The following CSMD1 variants were observed in gnomAD, a reference collection of about 807,000 sequenced individuals.
The protein encoded by CSMD1 is CUB and Sushi multiple domains 1.
A neutral mutation model predicts 417.5 loss-of-function variants in CSMD1; 213 were observed. That is an observed-to-expected ratio of 0.51 (90% confidence interval 0.46 to 0.57). The LOEUF (loss-of-function observed/expected upper bound fraction) is 0.57. CSMD1 is among the 20% of genes least tolerant of loss of function. The probability of loss-of-function intolerance (pLI) is 0.00; values close to 1 mark genes in which losing one functional copy is unlikely to be tolerated. For missense variants in CSMD1, 6,923 were observed against 4,529.7 expected, an observed-to-expected ratio of 1.53 and a Z score of -15.17; for synonymous variants, 2,862 against 1,736.8, an observed-to-expected ratio of 1.65 and a Z score of -16.11.
intron 3 of CSMD1, among the ~76,000 whole-genome samples, chr8:4,166,625 G>A (rs1240366327): frequency 3.9e-5 from 6 of 152,146 alleles, no homozygotes; most frequent in African/African-American, 1.2e-4. Context: ...GATGGGAGCA[G>A]GGGACAGAAG....
rs1211273712 is a variant in CSMD1, at chr8:3,343,387, C to G, written c.3538G>C (p.Gly1180Arg). The G allele has an allele frequency of 6.2e-7, 1 of 1,613,690 alleles. No individual in the cohort carries two copies. Residue 1180 changes from glycine (G) to arginine (R), a missense_variant, in exon 23 of 70, where the codon GGG becomes CGG. Physicochemically the swap from Gly to Arg is moderately radical, Grantham distance 125. Coordinates refer to ENST00000635120, the MANE Select transcript of CSMD1 (RefSeq NM_033225.6). ...LGTFTKNELL[G>R]LILNSTSNHL... ...TTGGATGTGCTGTTTAGGATCAGCC[C>G]CAGAAGTTCATTTTTAGTGAACGTG... is the stretch of plus-strand genomic sequence containing the variant.
chr8:3,952,647 G>A (rs1196719170), intron 5 of CSMD1, among the ~76,000 whole-genome samples: 2 of 152,040 alleles, frequency 1.3e-5, no homozygotes, highest in African/African-American at 2.4e-5. Context: ...GTTTTCCTGG[G>A]GTGATTACAG....
At chr8:3,156,886 G>T (rs1051692944) in intron 39 of CSMD1, among the ~76,000 whole-genome samples, 1 of 150,884 alleles carries the variant, frequency 6.6e-6, no homozygotes, top group South Asian at 2.1e-4. Flanking sequence ...AATCACAGGG[G>T]AGGATACGCT....
At chr8:4,549,024 G>C (rs533656177) in intron 2 of CSMD1, among the ~76,000 whole-genome samples, 1 of 152,122 alleles carries the variant, frequency 6.6e-6, no homozygotes, top group South Asian at 2.1e-4. Flanking sequence ...GAGTAATTAA[G>C]TATATTTTGT....
At chr8:3,791,911 T>C (rs773849096) in intron 5 of CSMD1, among the ~76,000 whole-genome samples, 2 of 152,148 alleles carry the variant, frequency 1.3e-5, no homozygotes, top group Non-Finnish European at 2.9e-5. Flanking sequence ...TTGAAAGTAA[T>C]GGCAAAAACC....
At chr8:4,907,485 T>C (rs1033854908) in intron 1 of CSMD1, among the ~76,000 whole-genome samples, 1 of 152,080 alleles carries the variant, frequency 6.6e-6, no homozygotes, top group Admixed American at 6.5e-5. Flanking sequence ...ATAAAAATCC[T>C]AAACTCATAA....
chr8:3,354,888 T>TCTATATCTATATATCTATCTATA (rs1491403926), intron 21 of CSMD1, among the ~76,000 whole-genome samples: 1 of 146,742 alleles, frequency 6.8e-6, no homozygotes. Context: ...TCTATAGATA[T>TCTATATCTATATATCTATCTATA]GTCTATCTAT....
At chr8:4,816,420 G>A (rs1201121472) in intron 1 of CSMD1, among the ~76,000 whole-genome samples, 3 of 151,964 alleles carry the variant, frequency 2.0e-5, no homozygotes, top group East Asian at 1.9e-4. Flanking sequence ...GAGTGAGGGC[G>A]GTTCACCATG....
chr8:4,757,254 T>C (rs1006920989), intron 1 of CSMD1, among the ~76,000 whole-genome samples: 6 of 152,216 alleles, frequency 3.9e-5, no homozygotes, highest in African/African-American at 1.4e-4. Context: ...ATTGACTACA[T>C]TTTAAAAGTT....
intron 7 of CSMD1, among the ~76,000 whole-genome samples, chr8:3,689,981 T>A (rs915262785): frequency 6.6e-6 from 1 of 152,250 alleles, no homozygotes; most frequent in African/African-American, 2.4e-5. Flanking sequence ...TACTGACATA[T>A]GCCTAATATT....
intron 8 of CSMD1, among the ~76,000 whole-genome samples, chr8:3,615,727 C>G (rs1299837246): frequency 6.6e-6 from 1 of 152,164 alleles, no homozygotes; most frequent in African/African-American, 2.4e-5. Flanking sequence ...TTGTAGCCCA[C>G]TTCAGCAGCC....
intron 26 of CSMD1, among the ~76,000 whole-genome samples, chr8:3,255,102 A>T (rs980648591): frequency 1.1e-4 from 16 of 152,172 alleles, no homozygotes; most frequent in African/African-American, 1.4e-4. Flanking sequence ...CAGGACCCTC[A>T]GCTGCCGGTC....
chr8:4,903,571 A>G (rs1488904581), intron 1 of CSMD1, among the ~76,000 whole-genome samples: 1 of 152,234 alleles, frequency 6.6e-6, no homozygotes, highest in Non-Finnish European at 1.5e-5. Flanking sequence ...TCTGGTGGCA[A>G]TTTAAAATAC....
chr8:3,658,794 A>T (rs1348374541), intron 7 of CSMD1, among the ~76,000 whole-genome samples: 1 of 152,204 alleles, frequency 6.6e-6, no homozygotes, highest in Non-Finnish European at 1.5e-5. Flanking sequence ...AAAAATAAAA[A>T]TAAAAATAAA....
At chr8:4,810,000 T>G (rs984128901) in intron 1 of CSMD1, among the ~76,000 whole-genome samples, 3 of 152,194 alleles carry the variant, frequency 2.0e-5, no homozygotes, top group African/African-American at 4.8e-5. Flanking sequence ...GAATATCAAG[T>G]GAATATATGC....
chr8:3,991,007 A>G (rs185909726), intron 5 of CSMD1, among the ~76,000 whole-genome samples: 87 of 152,204 alleles, frequency 5.7e-4, no homozygotes, highest in Admixed American at 2.0e-3. Context: ...ACCTGACAAA[A>G]ACCTCTAAAA....
chr8:4,685,977 A>C (rs1321910504), intron 1 of CSMD1, among the ~76,000 whole-genome samples: 2 of 152,264 alleles, frequency 1.3e-5, no homozygotes, highest in African/African-American at 4.8e-5. Context: ...TAAAAACGGC[A>C]AAGACTGCTG....
At chr8:4,071,915 G>A (rs1054165630) in intron 3 of CSMD1, among the ~76,000 whole-genome samples, 4 of 152,262 alleles carry the variant, frequency 2.6e-5, no homozygotes, top group African/African-American at 7.2e-5. Context: ...CATAGCTCAA[G>A]AGTCAAAGTC....
Position 4,824,082 on chromosome 8 carries a change from CCACACA to C in CSMD1, c.85+170244_85+170249del, listed in dbSNP as rs34597770. 4.6e-3 allele frequency among the ~76,000 whole-genome samples: 675 copies of C among 147,726 alleles called. 2 individuals are homozygous for C. The highest frequency in any genetic ancestry group is 6.0e-3 in the Admixed American group (88 of 14,718). ...TACTTGCACATACACAAATAAATAT[CCACACA>C]CACACACACACACACACACACACTC... is the stretch of plus-strand genomic sequence containing the variant. On this transcript the variant is annotated intron_variant, in intron 1 of 69. Transcript: ENST00000635120.
Sources: allele counts gnomAD v4.1 joint callset (sites outside exome capture counted in the v4.1 genomes callset), GRCh38; gene constraint gnomAD v4.1.1; transcripts MANE v1.5; gene names NCBI Gene and HGNC (gene_info 2026-07-23, HGNC 2026-07-21).